TRPC6: variants seen among roughly 807,000 people sequenced by gnomAD.
TRPC6 encodes the protein short transient receptor potential channel 6.
In TRPC6, 55 loss-of-function variants were observed where a neutral mutation model predicts 90.7. That is an observed-to-expected ratio of 0.61 (90% CI 0.49 to 0.76). The LOEUF (loss-of-function observed/expected upper bound fraction) is 0.76, where lower values mean the gene tolerates loss of function less well. Among genes scored for constraint, TRPC6 ranks in the 30% least tolerant of loss-of-function variants. The pLI is 0.00. For missense variants in TRPC6, 989 were observed against 1,122.7 expected, an observed-to-expected ratio of 0.88 and a Z score of 1.70; for synonymous variants, 393 against 393.0, an observed-to-expected ratio of 1.00 and a Z score of 0.00.
At chr11:101,515,824 G>C (rs943523348) in intron 1 of TRPC6, among the ~76,000 whole-genome samples, 1 of 151,950 alleles carries the variant, frequency 6.6e-6, no homozygotes, top group African/African-American at 2.4e-5. Flanking sequence ...TGTTTCTCTA[G>C]CTTTATCAAT....
chr11:101,482,630 CT>C (rs1432629059), intron 5 of TRPC6, among the ~76,000 whole-genome samples: 1 of 152,150 alleles, frequency 6.6e-6, no homozygotes, highest in Non-Finnish European at 1.5e-5. Flanking sequence ...TGTGTTTAAG[CT>C]TGAAATCATA....
chr11:101,582,050 G>A (rs1862208317), intron 1 of TRPC6, among the ~76,000 whole-genome samples: 1 of 152,178 alleles, frequency 6.6e-6, no homozygotes, highest in Admixed American at 6.5e-5. Flanking sequence ...TAAAAATAGT[G>A]CATTGTACAA....
chr11:101,469,182 C>T (rs1379037878), intron 10 of TRPC6, among the ~76,000 whole-genome samples: 1 of 152,138 alleles, frequency 6.6e-6, no homozygotes, highest in African/African-American at 2.4e-5. Flanking sequence ...TCTTCTATTC[C>T]ATCACCATAA....
intron 2 of TRPC6, among the ~76,000 whole-genome samples, chr11:101,501,940 T>G (rs1302798395): frequency 6.6e-6 from 1 of 152,224 alleles, no homozygotes; most frequent in Admixed American, 6.5e-5. Context: ...AATACATTTA[T>G]GTTTTCAGTT....
At chr11:101,554,186 T>C (rs1446080764) in intron 1 of TRPC6, among the ~76,000 whole-genome samples, 1 of 152,044 alleles carries the variant, frequency 6.6e-6, no homozygotes, top group African/African-American at 2.4e-5. Context: ...TTCAGTGAAA[T>C]GGATGTGTGA....
intron 1 of TRPC6, among the ~76,000 whole-genome samples, chr11:101,567,255 G>T (rs12801488): frequency 0.59 from 89,180 of 151,722 alleles, 26,444 homozygotes; most frequent in Non-Finnish European, 0.64. Context: ...CCCTGGGGAA[G>T]TTCCAAATGG....
chr11:101,502,044 C>T (rs7934208), intron 2 of TRPC6, among the ~76,000 whole-genome samples: 69,669 of 151,854 alleles, frequency 0.46, 16,346 homozygotes, highest in African/African-American at 0.55. Flanking sequence ...CTGCTCAAGA[C>T]AATGGAGCAA....
chr11:101,575,182 T>C (rs4353244), intron 1 of TRPC6, among the ~76,000 whole-genome samples: 73,318 of 151,964 alleles, frequency 0.48, 18,381 homozygotes, highest in South Asian at 0.62. Flanking sequence ...CATTATAGCA[T>C]AGAAGCAGTT....
At chr11:101,505,783 G>C (rs1860248152) in intron 1 of TRPC6, among the ~76,000 whole-genome samples, 1 of 152,132 alleles carries the variant, frequency 6.6e-6, no homozygotes, top group African/African-American at 2.4e-5. Flanking sequence ...GCAGGGCCAA[G>C]GTGGGCGAAT....
chr11:101,558,125 C>T (rs1463810810), intron 1 of TRPC6, among the ~76,000 whole-genome samples: 4 of 151,462 alleles, frequency 2.6e-5, no homozygotes, highest in Non-Finnish European at 5.9e-5. Context: ...TACCTGACCT[C>T]AAAATCTAGC....
rs375568920 is a variant in TRPC6 at position 101,525,692 on chromosome 11, T to C, written c.171-20894A>G. 5.9e-5 allele frequency among the ~76,000 whole-genome samples: 9 copies of C among 152,316 alleles called. No individual in the cohort carries two copies. In the South Asian group the frequency reaches 1.9e-3, roughly 32 times the overall value. Reference sequence around the variant, plus strand: ...TGACAGTCAAGTACAACAGGGTAGCTAGAGATTAAGATGGAGGGAAAGGGC... The same window carrying C: ...TGACAGTCAAGTACAACAGGGTAGCCAGAGATTAAGATGGAGGGAAAGGGC... On this transcript the variant is annotated intron_variant, in intron 1 of 12. Transcript: ENST00000344327.
At chr11:101,454,778 A>G (rs1858845926) in intron 11 of TRPC6, among the ~76,000 whole-genome samples, 1 of 152,082 alleles carries the variant, frequency 6.6e-6, no homozygotes, top group African/African-American at 2.4e-5. Flanking sequence ...TGCCTTTTCA[A>G]TGAACACTCT....
At chr11:101,455,901 G>A (rs1858871080) in intron 10 of TRPC6, among the ~76,000 whole-genome samples, 1 of 152,100 alleles carries the variant, frequency 6.6e-6, no homozygotes. Context: ...GCTAGGCTCT[G>A]TGTATAAATG....
intron 10 of TRPC6, among the ~76,000 whole-genome samples, chr11:101,459,109 A>C (rs1476238887): frequency 6.6e-6 from 1 of 152,220 alleles, no homozygotes; most frequent in Non-Finnish European, 1.5e-5. Flanking sequence ...ATGTGTCTCA[A>C]GTTTTGTTCA....
intron 1 of TRPC6, among the ~76,000 whole-genome samples, chr11:101,524,641 C>T (rs1464146552): frequency 6.6e-6 from 1 of 152,212 alleles, no homozygotes; most frequent in Non-Finnish European, 1.5e-5. Flanking sequence ...TTGATTTCAG[C>T]ACTCTGTTTT....
chr11:101,580,599 TTAC>T (rs10551448), intron 1 of TRPC6, among the ~76,000 whole-genome samples: 56,832 of 122,672 alleles, frequency 0.46, 11,356 homozygotes, highest in Non-Finnish European at 0.58. Context: ...TGAAGCCCCA[TTAC>T]TACTGAAGCC....
At chr11:101,583,036 C>T in intron 1 of TRPC6, 1 of 367,838 alleles carries the variant, frequency 2.7e-6, no homozygotes, top group Non-Finnish European at 3.8e-6. Context: ...CTGGAGAAAT[C>T]GACCACCCAT....
At chr11:101,485,976 G>GTAA (rs2136696817) in intron 4 of TRPC6, among the ~76,000 whole-genome samples, 1 of 152,164 alleles carries the variant, frequency 6.6e-6, no homozygotes, top group East Asian at 1.9e-4. Context: ...TGACCTTTAT[G>GTAA]TAACACTACT....
At chr11:101,460,785 T>C (rs1484010121) in intron 10 of TRPC6, among the ~76,000 whole-genome samples, 1 of 152,188 alleles carries the variant, frequency 6.6e-6, no homozygotes, top group East Asian at 1.9e-4. Flanking sequence ...ATATATATTT[T>C]ATAACAATGA....
Sources: allele counts gnomAD v4.1 joint callset (sites outside exome capture counted in the v4.1 genomes callset), GRCh38; gene constraint gnomAD v4.1.1; transcripts MANE v1.5; gene names NCBI Gene and HGNC (gene_info 2026-07-23, HGNC 2026-07-21).